The following DSG3 variants were observed in gnomAD, a reference collection of about 807,000 sequenced individuals.
DSG3 encodes the protein desmoglein 3.
A neutral mutation model predicts 85.9 loss-of-function variants in DSG3; 63 were observed. The observed-to-expected ratio is 0.73, with a 90% CI of 0.60 to 0.90. The LOEUF is 0.90. Ranked by LOEUF, DSG3 falls within the 40% of genes least tolerant of loss-of-function variation. The pLI, the probability that DSG3 is intolerant of heterozygous loss-of-function variation, is 0.00. For missense variants in DSG3, 1,220 were observed against 1,219.9 expected, an observed-to-expected ratio of 1.00 and a Z score of 0.00; for synonymous variants, 447 against 441.9, an observed-to-expected ratio of 1.01 and a Z score of -0.14.
intron 8 of DSG3, among the ~76,000 whole-genome samples, chr18:31,461,999 A>G (rs759181120): frequency 1.3e-5 from 2 of 152,092 alleles, no homozygotes; most frequent in Non-Finnish European, 2.9e-5. Flanking sequence ...TCCTTGGTAC[A>G]GCACTTTGGT....
Position 31,472,603 on chromosome 18 carries a change from C to T in DSG3, c.2038-122C>T. ...TGTCAAATCACAGAAATGGTTATCG[C>T]TGAAAGAATTTGCACTTCTTGTAAT... is the stretch of plus-strand genomic sequence containing the variant. On this transcript the variant is annotated intron_variant, in intron 13 of 15. Transcript: ENST00000257189. 9 of 1,285,288 alleles carry T rather than the reference C, an allele frequency of 7.0e-6. No individual in the cohort carries two copies. In the South Asian group the frequency reaches 1.2e-4, roughly 18 times the overall value. 79.6% of individuals were successfully genotyped at this position (1,285,288 alleles called of 1,614,324 possible).
chr18:31,448,438 A>G (rs1280269893), intron 1 of DSG3, among the ~76,000 whole-genome samples: 1 of 152,216 alleles, frequency 6.6e-6, no homozygotes, highest in Admixed American at 6.5e-5. Flanking sequence ...TTAAGTAAGT[A>G]TTTATGTTTA....
chr18:31,464,295 G>T lies in DSG3; in HGVS notation c.1184G>T (p.Gly395Val), dbSNP rs760539948. Residue 395 changes from glycine (G) to valine (V), a missense_variant, in exon 9 of 16, where the codon GGC becomes GTC. Physicochemically the swap from Gly to Val is moderately radical, Grantham distance 109. Transcript: ENST00000257189. ...TCCAAGACATTTACTGTGCAAAAAG[G>T]CATAAGTAGCAAAAAATTGGTGGAT... ...PASKTFTVQK[G>V]ISSKKLVDYI... 1.9e-6 allele frequency: 3 copies of T among 1,614,094 alleles called. No homozygotes were observed. In the South Asian group the frequency reaches 3.3e-5, roughly 18 times the overall value.
At chr18:31,456,906 G>C in intron 2 of DSG3, 87 bp from the exon 3 acceptor site, 1 of 1,353,484 alleles carries the variant, frequency 7.4e-7, no homozygotes, top group Non-Finnish European at 1.0e-6. Context: ...AAACATAGGG[G>C]GTTCCTCAAC....
chr18:31,474,432 G>GATTATCTT, intron 15 of DSG3, 28 bp downstream of exon 15: 2 of 1,579,342 alleles, frequency 1.3e-6, no homozygotes, highest in Non-Finnish European at 1.7e-6. Context: ...TTTGTGGCTT[G>GATTATCTT]ATTATCTTAT....
intron 14 of DSG3, among the ~76,000 whole-genome samples, 182 bp from the exon 15 acceptor site, chr18:31,473,939 T>C (rs1404112495): frequency 2.0e-5 from 3 of 152,224 alleles, no homozygotes; most frequent in Non-Finnish European, 4.4e-5. Flanking sequence ...CCCGTTTATA[T>C]GCCCTCCTTT....
chr18:31,454,121 C>T (rs2072727400), intron 1 of DSG3, among the ~76,000 whole-genome samples: 1 of 152,066 alleles, frequency 6.6e-6, no homozygotes, highest in Non-Finnish European at 1.5e-5. Context: ...GAAATGTTTC[C>T]CATCACCTAC....
At chr18:31,473,386 A>G (rs1568091791) in intron 14 of DSG3, among the ~76,000 whole-genome samples, 1 of 152,224 alleles carries the variant, frequency 6.6e-6, no homozygotes, top group African/African-American at 2.4e-5. Context: ...CTATTGCATT[A>G]ATATTATCTG....
chr18:31,447,957 C>A, intron 1 of DSG3, 32 bp downstream of exon 1: 1 of 1,489,454 alleles, frequency 6.7e-7, no homozygotes, highest in Non-Finnish European at 9.0e-7. Flanking sequence ...TAATCACAAA[C>A]TTCCCTGCTT....
Position 31,476,431 on chromosome 18 carries a change from A to G in DSG3, c.*171A>G, listed in dbSNP as rs1184624841. On this transcript the variant is annotated 3_prime_UTR_variant, in exon 16 of 16. Transcript: ENST00000257189. ...TGTTTGGGTTCATACCCCAAAAGCAATATGTTGTCACTCCTAATTCTCAAG... is the reference window on the plus strand; with the variant it reads ...TGTTTGGGTTCATACCCCAAAAGCAGTATGTTGTCACTCCTAATTCTCAAG... 3 of 663,782 alleles carry G rather than the reference A, an allele frequency of 4.5e-6. No individual in the cohort carries two copies. The highest frequency in any genetic ancestry group is 2.9e-5 in the East Asian group (1 of 34,650). The allele number at this position is 663,782 out of a possible 1,614,324, so 41.1% of individuals were successfully genotyped here. A position where few individuals can be genotyped will look rare whatever the true frequency, so the allele number is the denominator to read the frequency against.
In DSG3 at chr18:31,466,681, T is replaced by G. The variant is rs763239040; in HGVS notation, c.1563T>G (p.Thr521=). ...CTAGAACACTGAATAATAGATACAC[T>G]GGCCCCTATACATTTGCACTGGAAG... is the stretch of plus-strand genomic sequence containing the variant. ...VSARTLNNRY[T]GPYTFALEDQ... is the part of the protein sequence containing the mutation. Residue 521 remains threonine, a synonymous_variant, in exon 11 of 16, where the codon ACT becomes ACG. Coordinates refer to ENST00000257189, the MANE Select transcript of DSG3 (RefSeq NM_001944.3). The G allele has an allele frequency of 5.6e-6, 9 of 1,614,212 alleles. No homozygotes were observed. In the South Asian group the frequency reaches 9.9e-5, roughly 18 times the overall value.
chr18:31,457,870 C>T (rs1478533078), intron 3 of DSG3, among the ~76,000 whole-genome samples: 1 of 151,982 alleles, frequency 6.6e-6, no homozygotes, highest in African/African-American at 2.4e-5. Flanking sequence ...ACCTCATGAT[C>T]TGCCCACCTC....
chr18:31,475,231 G>T (rs1467515522), intron 15 of DSG3, among the ~76,000 whole-genome samples: 1 of 152,244 alleles, frequency 6.6e-6, no homozygotes, highest in Non-Finnish European at 1.5e-5. Flanking sequence ...CTCACATTGA[G>T]TTTTGGTATC....
intron 8 of DSG3, among the ~76,000 whole-genome samples, chr18:31,463,196 C>T (rs1368819140): frequency 1.3e-5 from 2 of 152,218 alleles, no homozygotes; most frequent in African/African-American, 4.8e-5. Context: ...CCCTTCATAG[C>T]TCTCCTAAGT....
intron 1 of DSG3, among the ~76,000 whole-genome samples, chr18:31,450,918 A>G (rs1312346104): frequency 6.6e-6 from 1 of 152,172 alleles, no homozygotes. Flanking sequence ...TTAAATAACC[A>G]TGGATACCAG....
chr18:31,454,167 T>C (rs1372111857), intron 1 of DSG3, among the ~76,000 whole-genome samples: 1 of 152,210 alleles, frequency 6.6e-6, no homozygotes, highest in Non-Finnish European at 1.5e-5. Context: ...TTATTGTGTA[T>C]TAGAAGAATC....
In DSG3 at chr18:31,466,645, G is replaced by C. The variant is rs1389067675; in HGVS notation, c.1527G>C (p.Val509=). Residue 509 remains valine, a synonymous_variant, in exon 11 of 16, where the codon GTG becomes GTC. Coordinates refer to ENST00000257189, the MANE Select transcript of DSG3 (RefSeq NM_001944.3). The part of the protein sequence containing the change: ...KDAVCSSSPS[V]VVSARTLNNR... The stretch of plus-strand genomic sequence containing the variant: ...CAGTTTGCAGTTCTTCACCTTCCGT[G>C]GTTGTCTCCGCTAGAACACTGAATA... 3.7e-6 allele frequency: 6 copies of C among 1,614,192 alleles called. No individual in the cohort carries two copies. The highest frequency in any genetic ancestry group is 4.2e-6 in the Non-Finnish European group (5 of 1,180,034).
intron 4 of DSG3, 114 bp downstream of exon 4, chr18:31,458,714 A>G: frequency 8.3e-7 from 1 of 1,208,278 alleles, no homozygotes; most frequent in Non-Finnish European, 1.2e-6. Context: ...GCATCAGTCC[A>G]CCAGCAAATA....
In DSG3 at chr18:31,476,944, C is replaced by T. The variant is rs1443890465; in HGVS notation, c.*684C>T. On this transcript the variant is annotated 3_prime_UTR_variant, in exon 16 of 16. Transcript: ENST00000257189. ...ACTGCAGTCCGCAGTCCGGCCTGGGCGACAGAGCGAGACTCCGTCTCAAAA... is the reference window on the plus strand; with the variant it reads ...ACTGCAGTCCGCAGTCCGGCCTGGGTGACAGAGCGAGACTCCGTCTCAAAA... 12 of 136,120 alleles carry T rather than the reference C, an allele frequency of 8.8e-5. No homozygotes were observed. Among genetic ancestry groups the T allele is most frequent in the African/African-American group, 3.1e-4 (11 of 35,676 alleles). 8.4% of individuals were successfully genotyped at this position (136,120 alleles called of 1,614,324 possible).
Sources: allele counts gnomAD v4.1 joint callset (sites outside exome capture counted in the v4.1 genomes callset), GRCh38; gene constraint gnomAD v4.1.1; transcripts MANE v1.5; gene names NCBI Gene and HGNC (gene_info 2026-07-23, HGNC 2026-07-21).